Variants in BROX observed in about 807,000 individuals in gnomAD.
The protein encoded by BROX is BRO1 domain-containing protein BROX.
Under a neutral mutation model 61.0 loss-of-function variants are expected in BROX, and 53 were observed. The observed-to-expected ratio is 0.87, with a 90% CI of 0.70 to 1.09. The LOEUF (loss-of-function observed/expected upper bound fraction) is 1.09. Ranked by LOEUF, BROX falls within the 50% of genes least tolerant of loss-of-function variation. The pLI is 0.00. For missense variants in BROX, 489 were observed against 472.0 expected (o/e 1.04, Z -0.33); for synonymous variants, 152 against 160.2 (o/e 0.95, Z 0.38).
chr1:222,721,199 T>G (rs1389127123), intron 4 of BROX, among the ~76,000 whole-genome samples: 2 of 152,174 alleles, frequency 1.3e-5, no homozygotes, highest in African/African-American at 4.8e-5. Flanking sequence ...CAGATGTAAT[T>G]CATTTGATAG....
chr1:222,714,274 C>T (rs1656362025), intron 1 of BROX, among the ~76,000 whole-genome samples: 1 of 141,150 alleles, frequency 7.1e-6, no homozygotes, highest in Non-Finnish European at 1.5e-5. Flanking sequence ...TGCAGTGGTG[C>T]CATCTCGGCT....
In BROX at chr1:222,719,378, A is replaced by G. The variant is rs1656890972; in HGVS notation, c.305+19A>G. Reference sequence around the variant, plus strand: ...TTCCAAGGTAAGCAACACTAAAGTAATACTAAATTGGAGCCAGTTTTTGTA... The same window carrying G: ...TTCCAAGGTAAGCAACACTAAAGTAGTACTAAATTGGAGCCAGTTTTTGTA... On this transcript the variant is annotated intron_variant, in intron 4 of 12. Transcript: ENST00000340934. The G allele has an allele frequency of 6.5e-7, 1 of 1,549,564 alleles. No individual in the cohort carries two copies. The highest frequency in any genetic ancestry group is 8.9e-7 in the Non-Finnish European group (1 of 1,123,806).
rs1424591437 is a variant in BROX at position 222,732,882 on chromosome 1, T to C, written c.*168T>C. 3.4e-6 allele frequency: 2 copies of C among 590,260 alleles called. No homozygotes were observed. The highest frequency in any genetic ancestry group is 1.9e-5 in the African/African-American group (1 of 52,644). 36.6% of individuals were successfully genotyped at this position (590,260 alleles called of 1,614,324 possible). ...CTTAATTTTTAATACAGCGGAGATGTTTCTTGCTTTGTTTTCAGACTCTCC... is the reference window on the plus strand; with the variant it reads ...CTTAATTTTTAATACAGCGGAGATGCTTCTTGCTTTGTTTTCAGACTCTCC... On this transcript the variant is annotated 3_prime_UTR_variant, in exon 13 of 13. Transcript: ENST00000340934.
At chr1:222,716,784 G>T (rs538433847) in intron 2 of BROX, among the ~76,000 whole-genome samples, 12 of 152,324 alleles carry the variant, frequency 7.9e-5, no homozygotes, top group African/African-American at 2.4e-4. Context: ...GATTTAGATT[G>T]TCAGAGGGGA....
rs370031057 is a variant in BROX at position 222,733,618 on chromosome 1, A to G, written c.*904A>G. ...AAATCCATTACATATGTTAGAATCA[A>G]TAATTTACTCAAAAATCAGCTTTTA... On this transcript the variant is annotated 3_prime_UTR_variant, in exon 13 of 13. Coordinates refer to ENST00000340934, the MANE Select transcript of BROX (RefSeq NM_144695.4). 1 of 152,202 alleles carries G rather than the reference A, an allele frequency of 6.6e-6. No individual in the cohort carries two copies. Among genetic ancestry groups the G allele is most frequent in the African/African-American group, 2.4e-5 (1 of 41,448 alleles). 9.4% of individuals were successfully genotyped at this position (152,202 alleles called of 1,614,324 possible).
At chr1:222,717,323 T>C (rs549691976) in intron 2 of BROX, among the ~76,000 whole-genome samples, 2 of 152,354 alleles carry the variant, frequency 1.3e-5, no homozygotes, top group South Asian at 4.1e-4. Flanking sequence ...CTTAGCTGTT[T>C]TATCTATACC....
chr1:222,724,282 G>C (rs1012253913), intron 6 of BROX, 118 bp downstream of exon 6: 2 of 796,920 alleles, frequency 2.5e-6, no homozygotes, highest in African/African-American at 3.5e-5. Context: ...GGTACTATGT[G>C]TTCTGTTTTC....
At chr1:222,717,269 T>C (rs1002997132) in intron 2 of BROX, among the ~76,000 whole-genome samples, 4 of 152,230 alleles carry the variant, frequency 2.6e-5, no homozygotes, top group Admixed American at 6.5e-5. Flanking sequence ...TTATAGTTTG[T>C]AGTTTGTCAA....
chr1:222,725,363 A>C (rs914923500), intron 6 of BROX, 87 bp from the exon 7 acceptor site: 3 of 874,040 alleles, frequency 3.4e-6, no homozygotes, highest in Non-Finnish European at 5.2e-6. Context: ...TGAATGTCTC[A>C]TAACTTTCAT....
rs1658176755 is a variant in BROX at position 222,734,760 on chromosome 1, T to C, written c.*2046T>C. ...CTACTCTGTGGCTGTGGGACCTGTT[T>C]CTTTTAGGTACTTGTGCTTATTAAT... On this transcript the variant is annotated 3_prime_UTR_variant, in exon 13 of 13. Transcript: ENST00000340934. The C allele has an allele frequency of 5.3e-5, 8 of 152,222 alleles. No homozygotes were observed. Among genetic ancestry groups the C allele is most frequent in the Admixed American group, 5.2e-4 (8 of 15,288 alleles). 9.4% of individuals were successfully genotyped at this position (152,222 alleles called of 1,614,324 possible).
At position 222,712,840 on chromosome 1, in the gene BROX, C is replaced by T. The variant is rs529653503; in HGVS notation, c.-119C>T. The T allele has an allele frequency of 4.7e-4, 599 of 1,283,736 alleles. No homozygotes were observed. Among genetic ancestry groups the T allele is most frequent in the Non-Finnish European group, 5.5e-4 (542 of 984,958 alleles). 79.5% of individuals were successfully genotyped at this position (1,283,736 alleles called of 1,614,324 possible). On this transcript the variant is annotated 5_prime_UTR_variant, in exon 1 of 13. Coordinates refer to ENST00000340934, the MANE Select transcript of BROX (RefSeq NM_144695.4). Reference sequence around the variant, plus strand: ...GTCCTGGTTTTCCGTCACCCTGGTTCTGTAGTCTCGGTTCTCCGACTCCCT... The same window carrying T: ...GTCCTGGTTTTCCGTCACCCTGGTTTTGTAGTCTCGGTTCTCCGACTCCCT...
At chr1:222,722,599 A>T in intron 5 of BROX, 85 bp downstream of exon 5, 1 of 975,028 alleles carries the variant, frequency 1.0e-6, no homozygotes, top group Non-Finnish European at 1.5e-6. Context: ...TATTTTAAAA[A>T]GTACCACTTT....
At chr1:222,719,112 AT>A in intron 3 of BROX, 81 bp downstream of exon 3, 1 of 1,354,390 alleles carries the variant, frequency 7.4e-7, no homozygotes. Context: ...TTCAAATTTG[AT>A]TAGTTTACTC....
chr1:222,723,080 G>A (rs757455519), intron 5 of BROX, among the ~76,000 whole-genome samples: 30 of 152,290 alleles, frequency 2.0e-4, no homozygotes, highest in African/African-American at 2.4e-5. Context: ...TCATCCATAC[G>A]TGGGAATAAT....
At position 222,712,569 on chromosome 1, in the gene BROX, G is replaced by T; in HGVS notation, c.-390G>T. Reference sequence around the variant, plus strand: ...GGTTAGGTTGAGGCCGCCCCACTGCGCCGAGGGCCGCCATCGCTATTGCGG... The same window carrying T: ...GGTTAGGTTGAGGCCGCCCCACTGCTCCGAGGGCCGCCATCGCTATTGCGG... On this transcript the variant is annotated 5_prime_UTR_variant, in exon 1 of 13. Coordinates refer to ENST00000340934, the MANE Select transcript of BROX (RefSeq NM_144695.4). 1 of 1,375,766 alleles carries T rather than the reference G, an allele frequency of 7.3e-7. No homozygotes were observed. The highest frequency in any genetic ancestry group is 9.4e-7 in the Non-Finnish European group (1 of 1,058,370). The allele number at this position is 1,375,766 out of a possible 1,614,324, so 85.2% of individuals were successfully genotyped here.
intron 3 of BROX, 92 bp downstream of exon 3, chr1:222,719,123 C>G: frequency 7.7e-7 from 1 of 1,300,212 alleles, no homozygotes; most frequent in Non-Finnish European, 1.1e-6. Flanking sequence ...TTAGTTTACT[C>G]TTCCAGACTG....
rs892992136 is a variant in BROX at position 222,718,811 on chromosome 1, G to A, written c.102-114G>A. On this transcript the variant is annotated intron_variant, in intron 2 of 12. Coordinates refer to ENST00000340934, the MANE Select transcript of BROX (RefSeq NM_144695.4). ...TAAAGCTTTTACATTGAAACCTGGTGCGTGTGTGTATGTGTGTGTGTTTTA... is the reference window on the plus strand; with the variant it reads ...TAAAGCTTTTACATTGAAACCTGGTACGTGTGTGTATGTGTGTGTGTTTTA... 7.8e-6 allele frequency: 6 copies of A among 767,022 alleles called. No individual in the cohort carries two copies. In the Admixed American group the frequency reaches 9.7e-5, roughly 12 times the overall value. The allele number at this position is 767,022 out of a possible 1,614,324, so 47.5% of individuals were successfully genotyped here.
chr1:222,730,156 G>A lies in BROX; in HGVS notation c.968G>A (p.Cys323Tyr). The A allele has an allele frequency of 6.2e-7, 1 of 1,607,792 alleles. No homozygotes were observed. Among genetic ancestry groups the A allele is most frequent in the African/African-American group, 1.3e-5 (1 of 74,750 alleles). ...CTTGTGAAGAACACCCTAGAAAAAT[G>A]TCAGAGAGAAAATGGATTTATGTGA... The part of the protein sequence containing the change: ...GNLVKNTLEK[C>Y]QRENGFIYFQ... Residue 323 changes from cysteine to tyrosine, a missense_variant, in exon 11 of 13, where the codon TGT (cysteine) becomes TAT (tyrosine). Transcript: ENST00000340934.
At position 222,718,836 on chromosome 1, in the gene BROX, A is replaced by G. The variant is rs75722932; in HGVS notation, c.102-89A>G. 1,472 of 1,014,026 alleles carry G rather than the reference A, an allele frequency of 1.5e-3. 24 individuals carry two copies. Among genetic ancestry groups the G allele is most frequent in the South Asian group, 0.012 (867 of 75,122 alleles). The allele number at this position is 1,014,026 out of a possible 1,614,324, so 62.8% of individuals were successfully genotyped here. Reference sequence around the variant, plus strand: ...GCGTGTGTGTATGTGTGTGTGTTTTAAAGCTTTTACATTGAAACCTGGAAG... The same window carrying G: ...GCGTGTGTGTATGTGTGTGTGTTTTGAAGCTTTTACATTGAAACCTGGAAG... On this transcript the variant is annotated intron_variant, in intron 2 of 12. Transcript: ENST00000340934.
Sources: allele counts gnomAD v4.1 joint callset (sites outside exome capture counted in the v4.1 genomes callset), GRCh38; gene constraint gnomAD v4.1.1; transcripts MANE v1.5; gene names NCBI Gene and HGNC (gene_info 2026-07-23, HGNC 2026-07-21).